Variants in NHLRC2 observed in about 807,000 individuals in gnomAD.
NHLRC2 encodes the protein NHL repeat-containing protein 2.
A neutral mutation model predicts 68.1 loss-of-function variants in NHLRC2; 33 were observed. The observed-to-expected ratio is 0.48, with a 90% CI of 0.37 to 0.65. The LOEUF (loss-of-function observed/expected upper bound fraction) is 0.65, where lower values mean the gene tolerates loss of function less well. Among genes scored for constraint, NHLRC2 ranks in the 30% least tolerant of loss-of-function variants. The probability of loss-of-function intolerance (pLI) is 0.00; values close to 1 mark genes in which losing one functional copy is unlikely to be tolerated. For missense variants in NHLRC2, 761 were observed against 853.8 expected (o/e 0.89, Z 1.35); for synonymous variants, 311 against 309.6 (o/e 1.00, Z -0.05).
At chr10:113,855,118 C>G (rs1285608456) in intron 1 of NHLRC2, 68 bp downstream of exon 1, 1 of 1,384,896 alleles carries the variant, frequency 7.2e-7, no homozygotes, top group Non-Finnish European at 1.0e-6. Flanking sequence ...GGCGCCCTCC[C>G]GCGAAGCGGT....
At chr10:113,908,150 G>C (rs1436805781) in intron 10 of NHLRC2, 130 bp from the exon 11 acceptor site, 2 of 668,142 alleles carry the variant, frequency 3.0e-6, no homozygotes, top group Non-Finnish European at 5.1e-6. Context: ...CCTTCCCACA[G>C]ACCGCAATGC....
At chr10:113,863,253 G>T (rs1427188300) in intron 2 of NHLRC2, among the ~76,000 whole-genome samples, 1 of 152,014 alleles carries the variant, frequency 6.6e-6, no homozygotes, top group African/African-American at 2.4e-5. Context: ...TTTTTTTAAA[G>T]ATAAATATTA....
At chr10:113,903,323 G>GT (rs1846244507) in intron 8 of NHLRC2, among the ~76,000 whole-genome samples, 1 of 152,136 alleles carries the variant, frequency 6.6e-6, no homozygotes, top group South Asian at 2.1e-4. Context: ...ATAGTCTTTA[G>GT]TTCTTAGAAT....
intron 1 of NHLRC2, among the ~76,000 whole-genome samples, chr10:113,856,387 C>T (rs770623562): frequency 6.6e-6 from 1 of 152,130 alleles, no homozygotes; most frequent in Non-Finnish European, 1.5e-5. Context: ...CACTACTCAC[C>T]TTGAGAAGTG....
intron 5 of NHLRC2, among the ~76,000 whole-genome samples, chr10:113,891,449 G>A (rs997225908): frequency 9.2e-5 from 14 of 152,156 alleles, no homozygotes; most frequent in African/African-American, 3.4e-4. Flanking sequence ...AAACAATAGA[G>A]GCTGAGATAA....
At chr10:113,885,982 A>T (rs1358133393) in intron 5 of NHLRC2, among the ~76,000 whole-genome samples, 1 of 152,074 alleles carries the variant, frequency 6.6e-6, no homozygotes, top group Non-Finnish European at 1.5e-5. Flanking sequence ...ATGATTTTAT[A>T]TGTAGAAAAT....
rs78547881 is a variant in NHLRC2 at position 113,868,044 on chromosome 10, A to G, written c.332-8477A>G. 3.4e-3 allele frequency among the ~76,000 whole-genome samples: 516 copies of G among 152,240 alleles called. 11 individuals are homozygous for G. In the East Asian group the frequency reaches 0.049, roughly 14 times the overall value. ...CACTCTGTTGCCTGGGCTGGATTTC[A>G]CTGGTGCGATCACAGCTCACGGCAG... On this transcript the variant is annotated intron_variant, in intron 2 of 10. Transcript: ENST00000369301.
chr10:113,861,499 C>T (rs1845815559), intron 2 of NHLRC2, among the ~76,000 whole-genome samples: 1 of 152,104 alleles, frequency 6.6e-6, no homozygotes, highest in Non-Finnish European at 1.5e-5. Flanking sequence ...AGGCAGTGGG[C>T]CAATATATTC....
Position 113,916,831 on chromosome 10 carries a change from C to T in NHLRC2, c.*8295C>T, listed in dbSNP as rs2134752842. ...TTTTTTTCTCCAGTGATTAAAAATG[C>T]AGCGAAAATCCAATCTACAAGTTCA... is the stretch of plus-strand genomic sequence containing the variant. On this transcript the variant is annotated 3_prime_UTR_variant, in exon 11 of 11. Transcript: ENST00000369301. 6.6e-6 allele frequency: 1 copy of T among 152,224 alleles called. No individual in the cohort carries two copies. The highest frequency in any genetic ancestry group is 1.5e-5 in the Non-Finnish European group (1 of 67,996). 9.4% of individuals were successfully genotyped at this position (152,224 alleles called of 1,614,324 possible).
At chr10:113,868,822 A>C (rs1845894886) in intron 2 of NHLRC2, among the ~76,000 whole-genome samples, 1 of 152,228 alleles carries the variant, frequency 6.6e-6, no homozygotes, top group Non-Finnish European at 1.5e-5. Context: ...TTCTGTTCTA[A>C]AAGACAAGCG....
At chr10:113,884,172 T>G (rs1329210333) in intron 4 of NHLRC2, 79 bp from the exon 5 acceptor site, 6 of 1,310,310 alleles carry the variant, frequency 4.6e-6, no homozygotes, top group Non-Finnish European at 6.4e-6. Flanking sequence ...TTCTATTGAC[T>G]ATTGAAAATC....
intron 1 of NHLRC2, 57 bp from the exon 2 acceptor site, chr10:113,858,471 T>G: frequency 1.6e-6 from 2 of 1,261,394 alleles, no homozygotes; most frequent in Non-Finnish European, 2.2e-6. Context: ...ATGGAAAGTT[T>G]TAGGTAAATT....
intron 2 of NHLRC2, among the ~76,000 whole-genome samples, chr10:113,864,577 A>C (rs1845845840): frequency 6.6e-6 from 1 of 151,714 alleles, no homozygotes; most frequent in Non-Finnish European, 1.5e-5. Context: ...CGCCCCTGTA[A>C]TCCCAACTAC....
chr10:113,870,886 T>C (rs1051296068), intron 2 of NHLRC2, among the ~76,000 whole-genome samples: 1 of 152,218 alleles, frequency 6.6e-6, no homozygotes, highest in Non-Finnish European at 1.5e-5. Context: ...TGAGTTGGGT[T>C]AATCTTATGT....
At chr10:113,878,219 G>C (rs1010499489) in intron 3 of NHLRC2, among the ~76,000 whole-genome samples, 1 of 151,824 alleles carries the variant, frequency 6.6e-6, no homozygotes, top group Non-Finnish European at 1.5e-5. Context: ...TTTCCTTATG[G>C]GGGGGTATAG....
intron 8 of NHLRC2, 84 bp from the exon 9 acceptor site, chr10:113,903,443 T>TA (rs1846245543): frequency 1.2e-6 from 1 of 803,310 alleles, no homozygotes; most frequent in Non-Finnish European, 2.1e-6. Context: ...AATCAGAAAT[T>TA]AGCTTGCTTG....
chr10:113,904,417 A>T (rs571514052), intron 9 of NHLRC2, among the ~76,000 whole-genome samples: 1 of 152,322 alleles, frequency 6.6e-6, no homozygotes, highest in East Asian at 1.9e-4. Context: ...ATAGATTACT[A>T]TTGCAACATA....
At chr10:113,901,470 A>G (rs951599160) in intron 6 of NHLRC2, among the ~76,000 whole-genome samples, 196 bp from the exon 7 acceptor site, 15 of 152,228 alleles carry the variant, frequency 9.9e-5, no homozygotes, top group African/African-American at 3.6e-4. Context: ...TTCCCTACAC[A>G]GTGGGTAAAT....
At chr10:113,892,007 A>G (rs1373626553) in intron 5 of NHLRC2, among the ~76,000 whole-genome samples, 3 of 152,114 alleles carry the variant, frequency 2.0e-5, no homozygotes, top group Non-Finnish European at 4.4e-5. Context: ...ACAGCTGTAA[A>G]TGGTATTTTC....
Sources: gnomAD v4.1 joint callset for allele counts (sites outside exome capture counted in the v4.1 genomes callset) on GRCh38, gnomAD v4.1.1 for gene constraint, MANE v1.5 for transcripts, NCBI Gene and HGNC (gene_info 2026-07-23, HGNC 2026-07-21) for gene names.